The following NRP1 variants were observed in gnomAD, a reference collection of about 807,000 sequenced individuals.
NRP1 encodes the protein neuropilin-1.
In NRP1, 35 loss-of-function variants were observed where a neutral mutation model predicts 106.7. That is an observed-to-expected ratio of 0.33 (90% confidence interval 0.25 to 0.43). NRP1 has a LOEUF of 0.43. Ranked by LOEUF, NRP1 falls within the 20% of genes least tolerant of loss-of-function variation. The pLI is 1.00. For synonymous variants in NRP1, 437 were observed against 417.9 expected (o/e 1.05, Z -0.56); for missense variants, 1,024 against 1,170.4 (o/e 0.87, Z 1.83).
chr10:33,263,942 G>T, intron 3 of NRP1, 69 bp from the exon 4 acceptor site: 1 of 967,076 alleles, frequency 1.0e-6, no homozygotes, highest in Non-Finnish European at 1.6e-6. Flanking sequence ...GAAATAACCT[G>T]GGTAAAGACA....
intron 2 of NRP1, among the ~76,000 whole-genome samples, chr10:33,290,089 A>G (rs1238427036): frequency 6.6e-6 from 1 of 152,312 alleles, no homozygotes; most frequent in South Asian, 2.1e-4. Context: ...TTTAGTATCT[A>G]ACTTCCATTG....
rs1169694861 is a variant in NRP1, at chr10:33,316,716, C to T, written c.248+13992G>A. Among the ~76,000 whole-genome samples, 3 of 152,134 alleles carry T rather than the reference C, an allele frequency of 2.0e-5. No homozygotes were observed. In the East Asian group the frequency reaches 5.8e-4, roughly 29 times the overall value. On this transcript the variant is annotated intron_variant, in intron 2 of 16. Coordinates refer to ENST00000374867, the MANE Select transcript of NRP1 (RefSeq NM_003873.7). The stretch of plus-strand genomic sequence containing the variant: ...ATGAGATGCAGGAGAGAAGAAGGCC[C>T]CAACACTGGGGAGTTGCCAATTATG...
chr10:33,214,099 C>T (rs1296793112), intron 8 of NRP1, among the ~76,000 whole-genome samples: 2 of 152,064 alleles, frequency 1.3e-5, no homozygotes, highest in Non-Finnish European at 2.9e-5. Flanking sequence ...GAAGTCAATC[C>T]GATAGCAGGA....
intron 2 of NRP1, among the ~76,000 whole-genome samples, chr10:33,297,177 G>T (rs1165630868): frequency 6.6e-6 from 1 of 152,148 alleles, no homozygotes; most frequent in African/African-American, 2.4e-5. Flanking sequence ...CAAGGCTGTG[G>T]GTTGGGGTTG....
At chr10:33,334,087 C>T (rs1016130684) in intron 1 of NRP1, among the ~76,000 whole-genome samples, 8 of 152,240 alleles carry the variant, frequency 5.3e-5, no homozygotes, top group African/African-American at 1.4e-4. Flanking sequence ...AAAAGCCCCA[C>T]AGCCCAAGGA....
intron 2 of NRP1, among the ~76,000 whole-genome samples, chr10:33,278,172 T>C (rs554858320): frequency 2.4e-4 from 36 of 152,272 alleles, no homozygotes; most frequent in Admixed American, 7.8e-4. Context: ...CACTTACGAC[T>C]TATTAGTAAT....
intron 6 of NRP1, among the ~76,000 whole-genome samples, chr10:33,230,067 T>C (rs1395018037): frequency 6.8e-6 from 1 of 146,062 alleles, no homozygotes; most frequent in Admixed American, 7.0e-5. Flanking sequence ...CCCAGAACTC[T>C]AACAACATAC....
chr10:33,327,680 G>T (rs1847985870), intron 2 of NRP1, among the ~76,000 whole-genome samples: 2 of 108,004 alleles, frequency 1.9e-5, no homozygotes, highest in Non-Finnish European at 4.8e-5. Context: ...TCCCCCTAGG[G>T]CATTCCAATC....
At chr10:33,250,229 A>C (rs1189994731) in intron 6 of NRP1, among the ~76,000 whole-genome samples, 1 of 152,234 alleles carries the variant, frequency 6.6e-6, no homozygotes, top group Non-Finnish European at 1.5e-5. Context: ...TTTACAAAAC[A>C]TCTATCTAAT....
At chr10:33,229,017 T>G (rs368977102) in intron 6 of NRP1, among the ~76,000 whole-genome samples, 31 of 152,268 alleles carry the variant, frequency 2.0e-4, no homozygotes, top group African/African-American at 7.5e-4. Flanking sequence ...TGTACACATT[T>G]CAAAAAGGGG....
At chr10:33,216,594 C>T (rs550614878) in intron 8 of NRP1, among the ~76,000 whole-genome samples, 1 of 152,032 alleles carries the variant, frequency 6.6e-6, no homozygotes, top group South Asian at 2.1e-4. Context: ...GCTAGGACTA[C>T]ATGTGGATGC....
intron 2 of NRP1, among the ~76,000 whole-genome samples, chr10:33,310,248 CTT>C (rs35513274): frequency 2.5e-5 from 2 of 80,142 alleles, no homozygotes; most frequent in Non-Finnish European, 4.5e-5. Context: ...TGCGCCCGGC[CTT>C]TTTTTTTTTT....
chr10:33,284,355 T>C (rs10763922), intron 2 of NRP1, among the ~76,000 whole-genome samples: 93,806 of 152,006 alleles, frequency 0.62, 29,336 homozygotes, highest in East Asian at 0.68. Context: ...TTAAGAGGAT[T>C]GATAGTGTAG....
At position 33,334,397 on chromosome 10, in the gene NRP1, G is replaced by T; in HGVS notation, c.-15C>A. 1 of 1,543,444 alleles carries T rather than the reference G, an allele frequency of 6.5e-7. No individual in the cohort carries two copies. Among genetic ancestry groups the T allele is most frequent in the Non-Finnish European group, 8.7e-7 (1 of 1,146,570 alleles). On this transcript the variant is annotated 5_prime_UTR_variant, in exon 1 of 17. Transcript: ENST00000374867. ...CCCCTCTCCATTCTCCCTTCTCCGG[G>T]TCCGCAGGCAGACGCGGGAGAACGA...
chr10:33,184,787 T>C (rs1412964222), intron 15 of NRP1, among the ~76,000 whole-genome samples: 3 of 152,192 alleles, frequency 2.0e-5, no homozygotes, highest in South Asian at 2.1e-4. Flanking sequence ...CAATATATTA[T>C]ATAATAAAAG....
intron 2 of NRP1, among the ~76,000 whole-genome samples, chr10:33,281,611 T>A (rs1344977711): frequency 6.6e-6 from 1 of 152,168 alleles, no homozygotes; most frequent in Admixed American, 6.6e-5. Flanking sequence ...TGGATGACTG[T>A]GATCTCAGTC....
intron 8 of NRP1, among the ~76,000 whole-genome samples, chr10:33,216,022 C>A (rs536439013): frequency 3.3e-5 from 5 of 152,304 alleles, no homozygotes; most frequent in African/African-American, 1.2e-4. Context: ...AAAATCCTGA[C>A]CTGTTTTCAA....
At chr10:33,301,335 A>C (rs958001072) in intron 2 of NRP1, among the ~76,000 whole-genome samples, 5 of 152,224 alleles carry the variant, frequency 3.3e-5, no homozygotes, top group African/African-American at 1.2e-4. Flanking sequence ...TGGAATTTTC[A>C]TAAAATAAAT....
chr10:33,270,877 A>G (rs747084995), intron 2 of NRP1, 21 bp from the exon 3 acceptor site: 69 of 1,565,884 alleles, frequency 4.4e-5, no homozygotes, highest in Non-Finnish European at 5.9e-5. Flanking sequence ...AACATGGAAG[A>G]AAACATTAGG....
Sources: gnomAD v4.1 joint callset for allele counts (sites outside exome capture counted in the v4.1 genomes callset) on GRCh38, gnomAD v4.1.1 for gene constraint, MANE v1.5 for transcripts, NCBI Gene and HGNC (gene_info 2026-07-23, HGNC 2026-07-21) for gene names.